STXBP5L: variants seen among roughly 807,000 people sequenced by gnomAD.
The protein encoded by STXBP5L is syntaxin-binding protein 5-like.
In STXBP5L, 65 loss-of-function variants were observed where a neutral mutation model predicts 144.5. That is an observed-to-expected ratio of 0.45 (90% CI 0.37 to 0.55). The LOEUF (loss-of-function observed/expected upper bound fraction) is 0.55. Ranked by LOEUF, STXBP5L falls within the 20% of genes least tolerant of loss-of-function variation. The probability of loss-of-function intolerance (pLI) is 0.00; values close to 1 mark genes in which losing one functional copy is unlikely to be tolerated. For missense variants in STXBP5L, 1,298 were observed against 1,405.5 expected, an observed-to-expected ratio of 0.92 and a Z score of 1.22; for synonymous variants, 505 against 469.6, an observed-to-expected ratio of 1.08 and a Z score of -0.97.
At position 121,099,148 on chromosome 3, in the gene STXBP5L, A is replaced by G. The variant is rs1576951893; in HGVS notation, c.471-15777A>G. Reference sequence around the variant, plus strand: ...TTGTCCTGTGGCTTCCTTACCAGGGAACCAATCTGCCTTTATGAGAAAAAG... The same window carrying G: ...TTGTCCTGTGGCTTCCTTACCAGGGGACCAATCTGCCTTTATGAGAAAAAG... On this transcript the variant is annotated intron_variant, in intron 5 of 26. Transcript: ENST00000471454. 2.6e-5 allele frequency: 4 copies of G among 152,198 alleles called. No individual in the cohort carries two copies. In the South Asian group the frequency reaches 8.3e-4, roughly 32 times the overall value. The allele number at this position is 152,198 out of a possible 1,614,324, so 9.4% of individuals were successfully genotyped here.
chr3:121,302,139 AC>A (rs1317477320), intron 19 of STXBP5L, among the ~76,000 whole-genome samples: 1 of 152,008 alleles, frequency 6.6e-6, no homozygotes, highest in African/African-American at 2.4e-5. Context: ...TCCTCCTTGT[AC>A]CTCTGGTAGA....
At chr3:120,960,880 G>T (rs1386677532) in intron 3 of STXBP5L, among the ~76,000 whole-genome samples, 2 of 151,864 alleles carry the variant, frequency 1.3e-5, no homozygotes, top group South Asian at 4.2e-4. Context: ...TGCACGTTGT[G>T]CACATGTACC....
intron 5 of STXBP5L, among the ~76,000 whole-genome samples, chr3:121,084,251 G>T (rs1016701502): frequency 3.3e-5 from 5 of 152,100 alleles, no homozygotes; most frequent in Non-Finnish European, 1.5e-5. Context: ...AGACATGGAA[G>T]TTTGTTACAT....
At chr3:121,193,473 T>C (rs1004414700) in intron 9 of STXBP5L, among the ~76,000 whole-genome samples, 3 of 151,798 alleles carry the variant, frequency 2.0e-5, no homozygotes, top group Non-Finnish European at 4.4e-5. Flanking sequence ...CATTACTGGG[T>C]ATGTACCCAA....
At chr3:121,169,558 T>A (rs922329305) in intron 9 of STXBP5L, among the ~76,000 whole-genome samples, 2 of 152,106 alleles carry the variant, frequency 1.3e-5, no homozygotes, top group Non-Finnish European at 2.9e-5. Context: ...TAGTCTTTGA[T>A]AAAACAGACT....
At chr3:121,321,221 AT>A (rs1299487585) in intron 20 of STXBP5L, among the ~76,000 whole-genome samples, 1 of 152,196 alleles carries the variant, frequency 6.6e-6, no homozygotes, top group Non-Finnish European at 1.5e-5. Flanking sequence ...ATAAGTAATA[AT>A]AATTGAGGAA....
At chr3:121,409,387 C>G (rs2047067070) in intron 23 of STXBP5L, among the ~76,000 whole-genome samples, 1 of 151,508 alleles carries the variant, frequency 6.6e-6, no homozygotes, top group South Asian at 2.1e-4. Flanking sequence ...GCAGAGAGGT[C>G]AAAGAATTTG....
chr3:121,213,295 C>T (rs936974187), intron 10 of STXBP5L, among the ~76,000 whole-genome samples: 9 of 152,208 alleles, frequency 5.9e-5, no homozygotes, highest in Admixed American at 3.3e-4. Flanking sequence ...TGCCTGTTTT[C>T]AAAGGGAATG....
intron 14 of STXBP5L, among the ~76,000 whole-genome samples, chr3:121,245,277 T>C (rs2049809037): frequency 6.7e-6 from 1 of 149,752 alleles, no homozygotes; most frequent in Non-Finnish European, 1.5e-5. Context: ...GTAATCCTGA[T>C]GGTAAACACG....
At chr3:121,093,738 A>G (rs995899714) in intron 5 of STXBP5L, among the ~76,000 whole-genome samples, 2 of 151,916 alleles carry the variant, frequency 1.3e-5, no homozygotes, top group Non-Finnish European at 2.9e-5. Flanking sequence ...TGGATTCATT[A>G]ATTTTTGAAG....
intron 3 of STXBP5L, among the ~76,000 whole-genome samples, chr3:121,018,929 C>G (rs1012430883): frequency 4.6e-5 from 7 of 152,162 alleles, no homozygotes; most frequent in Non-Finnish European, 5.9e-5. Context: ...GCCAAGAAAC[C>G]GTGAGCCTGC....
At chr3:120,978,920 A>T (rs1941414014) in intron 3 of STXBP5L, among the ~76,000 whole-genome samples, 2 of 152,126 alleles carry the variant, frequency 1.3e-5, no homozygotes, top group South Asian at 4.1e-4. Context: ...GTCTCAGAGG[A>T]GTACCCAGCC....
At chr3:121,045,352 A>G (rs372898528) in intron 4 of STXBP5L, 83 bp from the exon 5 acceptor site, 4 of 1,246,128 alleles carry the variant, frequency 3.2e-6, no homozygotes, top group African/African-American at 3.1e-5. Flanking sequence ...GGTAGTAAAC[A>G]TTGAGTAAAT....
intron 3 of STXBP5L, among the ~76,000 whole-genome samples, chr3:121,035,777 C>T (rs1033021201): frequency 3.3e-5 from 5 of 152,002 alleles, no homozygotes; most frequent in African/African-American, 9.7e-5. Context: ...TGCATTGAAT[C>T]TGTAGATTGC....
chr3:121,113,793 C>T (rs2107823581), intron 5 of STXBP5L, among the ~76,000 whole-genome samples: 1 of 151,428 alleles, frequency 6.6e-6, no homozygotes, highest in East Asian at 1.9e-4. Context: ...CTGCCTCAGC[C>T]TCCCAAGTAG....
At chr3:121,178,301 A>G (rs934736282) in intron 9 of STXBP5L, among the ~76,000 whole-genome samples, 1 of 152,194 alleles carries the variant, frequency 6.6e-6, no homozygotes, top group Non-Finnish European at 1.5e-5. Context: ...TTTTACTACA[A>G]TTTAAAAAAC....
intron 3 of STXBP5L, among the ~76,000 whole-genome samples, chr3:121,030,132 G>A (rs1294615035): frequency 1.3e-5 from 2 of 152,134 alleles, no homozygotes; most frequent in East Asian, 1.9e-4. Context: ...ATTCCTCAAG[G>A]ATCTAGAACC....
At chr3:120,983,707 C>G (rs770346884) in intron 3 of STXBP5L, among the ~76,000 whole-genome samples, 2 of 152,142 alleles carry the variant, frequency 1.3e-5, no homozygotes, top group Admixed American at 6.5e-5. Flanking sequence ...CTAGGGGTCT[C>G]TCACTCACCT....
intron 5 of STXBP5L, among the ~76,000 whole-genome samples, chr3:121,084,200 T>C (rs950649105): frequency 2.0e-5 from 3 of 152,154 alleles, no homozygotes; most frequent in African/African-American, 7.2e-5. Flanking sequence ...CTTATTATTA[T>C]TGTAATTTTA....
Sources: gnomAD v4.1 joint callset for allele counts (sites outside exome capture counted in the v4.1 genomes callset) on GRCh38, gnomAD v4.1.1 for gene constraint, MANE v1.5 for transcripts, NCBI Gene and HGNC (gene_info 2026-07-23, HGNC 2026-07-21) for gene names.